The following CFAP44 variants were observed in gnomAD, a reference collection of about 807,000 sequenced individuals.
The protein encoded by CFAP44 is cilia- and flagella-associated protein 44.
Under a neutral mutation model 216.2 loss-of-function variants are expected in CFAP44, and 134 were observed. The ratio of observed to expected loss-of-function variants is 0.62; its 90% CI spans 0.54 to 0.72. The LOEUF is 0.72. CFAP44 is among the 30% of genes least tolerant of loss of function. The pLI is 0.00. For missense variants in CFAP44, 2,035 were observed against 2,182.1 expected (o/e 0.93, Z 1.34); for synonymous variants, 700 against 727.6 (o/e 0.96, Z 0.61).
At position 113,361,662 on chromosome 3, in the gene CFAP44, A is replaced by AT. The variant is rs200557858; in HGVS notation, c.2934+1482dup. Among the ~76,000 whole-genome samples the AT allele has an allele frequency of 8.5e-3, 1,289 of 150,892 alleles. 22 individuals carry two copies. Among genetic ancestry groups the AT allele is most frequent in the African/African-American group, 0.03 (1,232 of 41,118 alleles). On this transcript the variant is annotated intron_variant, in intron 21 of 34. Transcript: ENST00000393845. ...AGGCACCCACCACCACACCTGGCTA[A>AT]TTTTTTTTGTATTTTTTAGTGGAGA...
Position 113,327,762 on chromosome 3 carries a change from GT to G in CFAP44, c.4173del (p.Lys1391AsnfsTer2). 6.5e-7 allele frequency: 1 copy of G among 1,537,002 alleles called. No individual in the cohort carries two copies. Among genetic ancestry groups the G allele is most frequent in the Non-Finnish European group, 8.7e-7 (1 of 1,146,738 alleles). ...DAELRLLRHQ[K>X]LKLDTQMKLS... Reference sequence around the variant, plus strand: ...AATTTCATCTGAGTATCTAGTTTTAGTTTCTGATGTCTAAGGAGACGGAGTT... The same window carrying G: ...AATTTCATCTGAGTATCTAGTTTTAGTTCTGATGTCTAAGGAGACGGAGTT... On this transcript the variant is annotated frameshift_variant, in exon 27 of 35. Coordinates refer to ENST00000393845, the MANE Select transcript of CFAP44 (RefSeq NM_001164496.2). LOFTEE classifies it high-confidence loss of function.
intron 26 of CFAP44, among the ~76,000 whole-genome samples, chr3:113,328,308 C>CTTTTTTTTTTTTTTTTTTT (rs1553753817): frequency 2.7e-5 from 4 of 148,922 alleles, no homozygotes; most frequent in African/African-American, 7.4e-5. Flanking sequence ...CAATCTCTTT[C>CTTTTTTTTTTTTTTTTTTT]TAAGATTGAA....
At chr3:113,299,025 T>G (rs1439523272) in intron 32 of CFAP44, among the ~76,000 whole-genome samples, 1 of 152,066 alleles carries the variant, frequency 6.6e-6, no homozygotes, top group East Asian at 1.9e-4. Flanking sequence ...AAAAATAAAC[T>G]TAGAAATTAT....
chr3:113,433,172 T>C (rs1455967274), intron 2 of CFAP44, among the ~76,000 whole-genome samples: 1 of 152,056 alleles, frequency 6.6e-6, no homozygotes, highest in Non-Finnish European at 1.5e-5. Context: ...CTCATGCCTG[T>C]AATCCCAGCA....
chr3:113,412,287 GTTTTCATT>G (rs201540015), intron 6 of CFAP44, among the ~76,000 whole-genome samples: 4,351 of 152,100 alleles, frequency 0.029, 107 homozygotes, highest in East Asian at 0.099. Flanking sequence ...TAATAAACTT[GTTTTCATT>G]TTACTCTATG....
chr3:113,416,682 G>A, intron 5 of CFAP44, 55 bp from the exon 6 acceptor site: 1 of 1,278,796 alleles, frequency 7.8e-7, no homozygotes, highest in African/African-American at 1.5e-5. Flanking sequence ...TGTATAAATA[G>A]TCTGATTAAT....
In CFAP44 at chr3:113,290,990, CTGTT is replaced by C. The variant is rs1233489696; in HGVS notation, c.*563_*566del. 9 of 153,828 alleles carry C rather than the reference CTGTT, an allele frequency of 5.9e-5. No homozygotes were observed. Among genetic ancestry groups the C allele is most frequent in the African/African-American group, 1.7e-4 (7 of 41,440 alleles). 9.5% of individuals were successfully genotyped at this position (153,828 alleles called of 1,614,324 possible). A position where few individuals can be genotyped will look rare whatever the true frequency, so the allele number is the denominator to read the frequency against. On this transcript the variant is annotated 3_prime_UTR_variant, in exon 35 of 35. Coordinates refer to ENST00000393845, the MANE Select transcript of CFAP44 (RefSeq NM_001164496.2). ...CCCAAAGCAAACTGCTCTGCCATGT[CTGTT>C]TGTATTTCCTGAATCCTGAGCCCTC... is the stretch of plus-strand genomic sequence containing the variant.
chr3:113,358,718 T>G, intron 22 of CFAP44, 27 bp downstream of exon 22: 1 of 1,535,534 alleles, frequency 6.5e-7, no homozygotes, highest in Non-Finnish European at 8.7e-7. Flanking sequence ...CTCAAACATC[T>G]TAGCTTGTAG....
rs767340224 is a variant in CFAP44, at chr3:113,344,457, C to T, written c.3262+59G>A. 271 of 1,428,734 alleles carry T rather than the reference C, an allele frequency of 1.9e-4. 1 individual carries two copies. The highest frequency in any genetic ancestry group is 4.2e-4 in the Admixed American group (20 of 47,164). The allele number at this position is 1,428,734 out of a possible 1,614,324, so 88.5% of individuals were successfully genotyped here. Reference sequence around the variant, plus strand: ...AAGGTTCAATGGTTCTGTCCACAGACAATTCACTTTTGAAGTCTTAGTAAA... The same window carrying T: ...AAGGTTCAATGGTTCTGTCCACAGATAATTCACTTTTGAAGTCTTAGTAAA... On this transcript the variant is annotated intron_variant, in intron 23 of 34. Coordinates refer to ENST00000393845, the MANE Select transcript of CFAP44 (RefSeq NM_001164496.2).
Position 113,301,887 on chromosome 3 carries a change from C to T in CFAP44, c.5077+2029G>A, listed in dbSNP as rs182093442. 2.6e-4 allele frequency among the ~76,000 whole-genome samples: 39 copies of T among 152,262 alleles called. No individual in the cohort carries two copies. In the East Asian group the frequency reaches 6.7e-3, roughly 26 times the overall value. On this transcript the variant is annotated intron_variant, in intron 32 of 34. Transcript: ENST00000393845. ...TCTTGAAATTGTTCTTTGGATCTCA[C>T]TGAAATTTTGTATCCTGTGACCAAC...
intron 28 of CFAP44, among the ~76,000 whole-genome samples, chr3:113,322,692 A>G (rs1213726824): frequency 6.6e-6 from 1 of 152,260 alleles, no homozygotes; most frequent in African/African-American, 2.4e-5. Context: ...CAAAGAACTT[A>G]AAAATGAGCC....
intron 28 of CFAP44, among the ~76,000 whole-genome samples, chr3:113,320,788 C>T (rs150574179): frequency 6.6e-6 from 1 of 151,948 alleles, no homozygotes; most frequent in South Asian, 2.1e-4. Context: ...CTAGGCCAGT[C>T]TAGTTTTTTC....
chr3:113,364,720 T>C (rs1950571958), intron 19 of CFAP44, among the ~76,000 whole-genome samples: 1 of 152,024 alleles, frequency 6.6e-6, no homozygotes, highest in Non-Finnish European at 1.5e-5. Context: ...TGCCAATGGG[T>C]CTCAATCCTA....
At chr3:113,395,656 G>A (rs1933969475) in intron 15 of CFAP44, 94 bp downstream of exon 15, 2 of 1,092,804 alleles carry the variant, frequency 1.8e-6, no homozygotes, top group Non-Finnish European at 2.6e-6. Context: ...ACCAGGAGTG[G>A]GCTAAAAATT....
chr3:113,343,841 T>C (rs1393779511), intron 23 of CFAP44, among the ~76,000 whole-genome samples: 1 of 152,136 alleles, frequency 6.6e-6, no homozygotes, highest in Non-Finnish European at 1.5e-5. Flanking sequence ...ATGAAGAAGA[T>C]AAACCAATAT....
At chr3:113,333,108 C>A (rs986694383) in intron 25 of CFAP44, among the ~76,000 whole-genome samples, 3 of 152,140 alleles carry the variant, frequency 2.0e-5, no homozygotes, top group Non-Finnish European at 4.4e-5. Context: ...TCCTTGATGA[C>A]CCTGCCATAC....
At chr3:113,296,399 T>C (rs570096640) in intron 33 of CFAP44, among the ~76,000 whole-genome samples, 70 of 152,330 alleles carry the variant, frequency 4.6e-4, no homozygotes, top group Non-Finnish European at 8.5e-4. Context: ...TTTTTAAATA[T>C]AATTTTTGGC....
chr3:113,380,726 G>C (rs1933484156), intron 16 of CFAP44, among the ~76,000 whole-genome samples, 173 bp downstream of exon 16: 1 of 151,970 alleles, frequency 6.6e-6, no homozygotes, highest in African/African-American at 2.4e-5. Context: ...TTTGATTTCA[G>C]TATCTATTTA....
At chr3:113,331,729 C>T (rs1206974661) in intron 25 of CFAP44, among the ~76,000 whole-genome samples, 2 of 152,186 alleles carry the variant, frequency 1.3e-5, no homozygotes, top group East Asian at 3.9e-4. Context: ...AGACTCTTCA[C>T]ACATCAACTC....
Sources: gnomAD v4.1 joint callset for allele counts (sites outside exome capture counted in the v4.1 genomes callset) on GRCh38, gnomAD v4.1.1 for gene constraint, MANE v1.5 for transcripts, NCBI Gene and HGNC (gene_info 2026-07-23, HGNC 2026-07-21) for gene names.